The following CALN1 variants were observed in gnomAD, a reference collection of about 807,000 sequenced individuals.
The protein encoded by CALN1 is calcium-binding protein 8.
A neutral mutation model predicts 30.6 loss-of-function variants in CALN1; 17 were observed. That is an observed-to-expected ratio of 0.56 (90% CI 0.38 to 0.83). CALN1 has a LOEUF of 0.83. Ranked by LOEUF, CALN1 falls within the 40% of genes least tolerant of loss-of-function variation. The pLI is 0.00. For missense variants in CALN1, 291 were observed against 354.9 expected (o/e 0.82, Z 1.45); for synonymous variants, 156 against 131.4 (o/e 1.19, Z -1.28).
intron 3 of CALN1, among the ~76,000 whole-genome samples, chr7:72,151,425 C>T (rs999488630): frequency 1.4e-4 from 21 of 152,090 alleles, no homozygotes; most frequent in African/African-American, 5.1e-4. Context: ...CATTTTACCT[C>T]GATTATCTCA....
chr7:72,312,183 C>T (rs1219625770), intron 2 of CALN1, among the ~76,000 whole-genome samples: 1 of 152,112 alleles, frequency 6.6e-6, no homozygotes, highest in Non-Finnish European at 1.5e-5. Context: ...GCCAGAGTAT[C>T]ACTTGATGTC....
At chr7:72,424,667 G>A (rs535019842) in intron 1 of CALN1, among the ~76,000 whole-genome samples, 1 of 152,072 alleles carries the variant, frequency 6.6e-6, no homozygotes, top group East Asian at 1.9e-4. Flanking sequence ...CGTGATCATA[G>A]CTCACTGCAG....
At chr7:71,965,565 TAAC>T (rs1311825788) in intron 5 of CALN1, among the ~76,000 whole-genome samples, 6 of 147,696 alleles carry the variant, frequency 4.1e-5, no homozygotes, top group Admixed American at 1.3e-4. Flanking sequence ...TGAAAAACAG[TAAC>T]AACAAACAAA....
chr7:71,919,195 TTCA>T (rs758101556), intron 5 of CALN1, among the ~76,000 whole-genome samples: 1 of 152,186 alleles, frequency 6.6e-6, no homozygotes, highest in African/African-American at 2.4e-5. Flanking sequence ...GCCTCCCAGA[TTCA>T]TCATCTTTAA....
chr7:71,966,114 G>C (rs1016288321), intron 5 of CALN1, among the ~76,000 whole-genome samples: 3 of 152,168 alleles, frequency 2.0e-5, no homozygotes, highest in African/African-American at 7.2e-5. Context: ...TCCTGTGCAA[G>C]ACCAGATAAC....
intron 2 of CALN1, 113 bp from the exon 3 acceptor site, chr7:72,278,923 CA>C: frequency 7.2e-7 from 1 of 1,386,094 alleles, no homozygotes; most frequent in Admixed American, 2.1e-5. Context: ...TTAAAAATAG[CA>C]GTAATATTTC....
intron 4 of CALN1, among the ~76,000 whole-genome samples, chr7:72,030,047 A>T (rs1801335604): frequency 6.6e-6 from 1 of 152,066 alleles, no homozygotes; most frequent in South Asian, 2.1e-4. Context: ...AATAATGTTA[A>T]CTCCAGATAG....
At chr7:72,501,192 A>T in the CALN1 span, among the ~76,000 whole-genome samples, 1 of 151,636 alleles carries the variant, frequency 6.6e-6, no homozygotes, top group African/African-American at 2.4e-5. Flanking sequence ...ACAAGTGAAT[A>T]ATAGTTTCAA....
chr7:72,475,255 A>G, the CALN1 span, among the ~76,000 whole-genome samples: 1 of 152,078 alleles, frequency 6.6e-6, no homozygotes, highest in Admixed American at 6.6e-5. Context: ...CGAGGTCAGG[A>G]CCATCCTGGC....
chr7:72,485,405 T>C, the CALN1 span, among the ~76,000 whole-genome samples: 2 of 152,160 alleles, frequency 1.3e-5, no homozygotes, highest in Non-Finnish European at 2.9e-5. Flanking sequence ...CAAAAGAAAT[T>C]TTTTTAATCA....
At chr7:71,973,889 G>C (rs1797973199) in intron 5 of CALN1, among the ~76,000 whole-genome samples, 1 of 152,158 alleles carries the variant, frequency 6.6e-6, no homozygotes, top group Non-Finnish European at 1.5e-5. Flanking sequence ...ATGTGTCTCA[G>C]AGATTCCATT....
chr7:72,474,844 C>G, the CALN1 span, among the ~76,000 whole-genome samples: 75 of 152,300 alleles, frequency 4.9e-4, no homozygotes, highest in Non-Finnish European at 9.0e-4. Flanking sequence ...GCTGTGCAGT[C>G]CCTAAACACA....
intron 5 of CALN1, among the ~76,000 whole-genome samples, chr7:71,871,468 C>T (rs1314838343): frequency 1.3e-5 from 2 of 152,092 alleles, no homozygotes; most frequent in East Asian, 1.9e-4. Context: ...ACCTCCAGGC[C>T]GGGCACCACA....
At chr7:72,036,767 G>A (rs1036988216) in intron 4 of CALN1, among the ~76,000 whole-genome samples, 3 of 150,792 alleles carry the variant, frequency 2.0e-5, no homozygotes, top group East Asian at 3.9e-4. Context: ...TTGTGTATTC[G>A]ATCTGCTATC....
At chr7:72,478,332 A>G in the CALN1 span, among the ~76,000 whole-genome samples, 1 of 147,552 alleles carries the variant, frequency 6.8e-6, no homozygotes, top group African/African-American at 2.5e-5. Flanking sequence ...TATATTATAT[A>G]TTTATATAAT....
intron 4 of CALN1, among the ~76,000 whole-genome samples, chr7:72,054,831 C>T (rs1263608789): frequency 1.3e-5 from 2 of 151,920 alleles, no homozygotes; most frequent in East Asian, 3.9e-4. Flanking sequence ...ACAAAATAAT[C>T]CGTATGACAA....
At chr7:71,861,093 G>A (rs1791243491) in intron 5 of CALN1, among the ~76,000 whole-genome samples, 1 of 152,138 alleles carries the variant, frequency 6.6e-6, no homozygotes, top group African/African-American at 2.4e-5. Context: ...ATGTCTCCAA[G>A]AGATGCATGG....
the CALN1 span, among the ~76,000 whole-genome samples, chr7:72,472,140 G>A: frequency 2.0e-5 from 3 of 152,006 alleles, no homozygotes; most frequent in African/African-American, 4.8e-5. Context: ...CTGCTCCTCC[G>A]CTTCCAAATC....
chr7:71,823,106 A>G (rs1360284912), intron 5 of CALN1, among the ~76,000 whole-genome samples: 1 of 152,116 alleles, frequency 6.6e-6, no homozygotes, highest in African/African-American at 2.4e-5. Flanking sequence ...TTCTGACATA[A>G]AATTCTAGAA....
Sources: gnomAD v4.1 joint callset for allele counts (sites outside exome capture counted in the v4.1 genomes callset) on GRCh38, gnomAD v4.1.1 for gene constraint, MANE v1.5 for transcripts, NCBI Gene and HGNC (gene_info 2026-07-23, HGNC 2026-07-21) for gene names.